The following CCDC110 variants were observed in gnomAD, a reference collection of about 807,000 sequenced individuals.
The protein encoded by CCDC110 is coiled-coil domain-containing protein 110.
A neutral mutation model predicts 77.1 loss-of-function variants in CCDC110; 70 were observed. The ratio of observed to expected loss-of-function variants is 0.91; its 90% CI spans 0.75 to 1.11. The LOEUF is 1.11. CCDC110 is among the 50% of genes least tolerant of loss of function. The probability of loss-of-function intolerance (pLI) is 0.00; values close to 1 mark genes in which losing one functional copy is unlikely to be tolerated. For synonymous variants in CCDC110, 295 were observed against 312.5 expected (o/e 0.94, Z 0.59); for missense variants, 868 against 942.9 (o/e 0.92, Z 1.04).
In CCDC110 at chr4:185,471,069, G is replaced by A. The variant is rs1467965174; in HGVS notation, c.11-20C>T. 2 of 1,487,164 alleles carry A rather than the reference G, an allele frequency of 1.3e-6. No individual in the cohort carries two copies. Among genetic ancestry groups the A allele is most frequent in the African/African-American group, 4.4e-5 (2 of 45,812 alleles). The allele number at this position is 1,487,164 out of a possible 1,614,324, so 92.1% of individuals were successfully genotyped here. On this transcript the variant is annotated intron_variant, in intron 1 of 6. Coordinates refer to ENST00000307588, the MANE Select transcript of CCDC110 (RefSeq NM_152775.4). ...GCTTTTCTGTAACAGAACCGTCCGGGGCTGTTCTGTCGCGGGTCGTGGCGT... is the reference window on the plus strand; with the variant it reads ...GCTTTTCTGTAACAGAACCGTCCGGAGCTGTTCTGTCGCGGGTCGTGGCGT...
intron 6 of CCDC110, chr4:185,452,364 A>G (rs921248436): frequency 2.0e-6 from 2 of 985,328 alleles, no homozygotes; most frequent in Non-Finnish European, 2.4e-6. Context: ...CATCTGTTCA[A>G]GGCTCAAATC....
In CCDC110 at chr4:185,460,063, G is replaced by C. The variant is rs753958900; in HGVS notation, c.524C>G (p.Ser175Ter). 1.2e-6 allele frequency: 2 copies of C among 1,613,762 alleles called. No individual in the cohort carries two copies. Among genetic ancestry groups the C allele is most frequent in the South Asian group, 1.1e-5 (1 of 91,052 alleles). The change falls in exon 6 of 7, where the codon TCA becomes TGA. Residue 175 changes from serine to a stop codon, truncating the protein, a stop_gained. Transcript: ENST00000307588. LOFTEE classifies it high-confidence loss of function. The part of the protein sequence containing the change: ...HSEDTLTLRT[S>*]TDNLSSNIII... ...TATGTTTGAAGATAAATTGTCTGTTGAAGTTCTCAGAGTTAATGTGTCCTC... is the reference window on the plus strand; with the variant it reads ...TATGTTTGAAGATAAATTGTCTGTTCAAGTTCTCAGAGTTAATGTGTCCTC...
At chr4:185,452,888 CA>C (rs70962569) in intron 6 of CCDC110, among the ~76,000 whole-genome samples, 2,030 of 67,260 alleles carry the variant, frequency 0.03, 7 homozygotes, top group African/African-American at 0.068. Context: ...GAGTGAGACT[CA>C]AAAAAAAAAA....
At chr4:185,471,491 A>T (rs1561174450) in intron 1 of CCDC110, 183 bp downstream of exon 1, 1 of 607,374 alleles carries the variant, frequency 1.6e-6, no homozygotes, top group Non-Finnish European at 2.7e-6. Flanking sequence ...TGTAAGCCAC[A>T]GCGGACGCAG....
intron 6 of CCDC110, among the ~76,000 whole-genome samples, chr4:185,448,864 GAA>G (rs1491537095): frequency 0.14 from 20,648 of 152,152 alleles, 1,939 homozygotes; most frequent in African/African-American, 0.27. Context: ...GATGCTGTTA[GAA>G]CTTTGGAACA....
chr4:185,471,501 G>A, intron 1 of CCDC110, 173 bp downstream of exon 1: 2 of 639,920 alleles, frequency 3.1e-6, no homozygotes, highest in Admixed American at 3.5e-5. Flanking sequence ...AGCGGACGCA[G>A]GGGGCCGCAG....
chr4:185,455,347 G>A (rs2095634488), intron 6 of CCDC110, among the ~76,000 whole-genome samples: 1 of 151,700 alleles, frequency 6.6e-6, no homozygotes, highest in Non-Finnish European at 1.5e-5. Context: ...CCATTTTCAT[G>A]GTATATATTT....
intron 5 of CCDC110, chr4:185,460,789 A>G (rs564373759): frequency 1.6e-4 from 59 of 373,956 alleles, no homozygotes; most frequent in South Asian, 1.0e-3. Flanking sequence ...ACTGCCTTGC[A>G]TTTGAATTTA....
chr4:185,447,356 AT>A (rs1188603737), intron 6 of CCDC110, among the ~76,000 whole-genome samples: 4 of 151,420 alleles, frequency 2.6e-5, no homozygotes. Flanking sequence ...TAATTTTTGT[AT>A]TTTTAGTAGA....
rs113638744 is a variant in CCDC110 at position 185,446,075 on chromosome 4, A to G, written c.2462-533T>C. On this transcript the variant is annotated intron_variant, in intron 6 of 6. Transcript: ENST00000307588. ...AGGCTGGTCTCGAACTCCCGACCTC[A>G]GGTGATCCACCCACCTCAGCCTCCC... 6.1e-3 allele frequency among the ~76,000 whole-genome samples: 930 copies of G among 152,246 alleles called. 11 individuals carry two copies. The highest frequency in any genetic ancestry group is 0.022 in the African/African-American group (895 of 41,546).
At chr4:185,456,001 C>T (rs1328190474) in intron 6 of CCDC110, among the ~76,000 whole-genome samples, 1 of 152,090 alleles carries the variant, frequency 6.6e-6, no homozygotes, top group Non-Finnish European at 1.5e-5. Context: ...AACAAGCAGA[C>T]ACAAGATCAG....
At chr4:185,449,210 T>C (rs13434493) in intron 6 of CCDC110, among the ~76,000 whole-genome samples, 61,442 of 152,044 alleles carry the variant, frequency 0.4, 13,286 homozygotes, top group East Asian at 0.52. Context: ...AATTTTTTAA[T>C]GAAAATAGTT....
In CCDC110 at chr4:185,458,215, ATG is replaced by A. The variant is rs779355124; in HGVS notation, c.2370_2371del (p.Ile791PhefsTer9). On this transcript the variant is annotated frameshift_variant, in exon 6 of 7. Transcript: ENST00000307588. LOFTEE classifies it high-confidence loss of function. ...AAAATGGAATTTCTCTCTTCTTGAA[ATG>A]TAAGTTGTTTTTGAAGGGTCATTAT... 171 of 1,607,116 alleles carry A rather than the reference ATG, an allele frequency of 1.1e-4. 1 individual carries two copies. In the South Asian group the frequency reaches 1.7e-3, roughly 16 times the overall value.
At chr4:185,463,364 A>C (rs1050559753) in intron 2 of CCDC110, among the ~76,000 whole-genome samples, 1 of 152,196 alleles carries the variant, frequency 6.6e-6, no homozygotes, top group African/African-American at 2.4e-5. Flanking sequence ...AAAAAAACCT[A>C]ATAATGCTCA....
chr4:185,470,838 C>A, intron 2 of CCDC110, 107 bp downstream of exon 2: 1 of 825,090 alleles, frequency 1.2e-6, no homozygotes, highest in Admixed American at 1.7e-5. Flanking sequence ...TGGCTGCTGT[C>A]CGTGTCATCA....
chr4:185,457,992 T>C (rs1472356249), intron 6 of CCDC110, 134 bp downstream of exon 6: 2 of 667,382 alleles, frequency 3.0e-6, no homozygotes, highest in Non-Finnish European at 4.6e-6. Context: ...CACTGTATAA[T>C]AAATTGGATA....
chr4:185,457,933 A>G, intron 6 of CCDC110, 193 bp downstream of exon 6: 2 of 608,464 alleles, frequency 3.3e-6, no homozygotes, highest in Non-Finnish European at 5.1e-6. Flanking sequence ...TGCACATAAT[A>G]TAAACAAAAT....
rs200557679 is a variant in CCDC110, at chr4:185,460,079, A to T, written c.508T>A (p.Leu170Ile). The change falls in exon 6 of 7, where the codon TTA becomes ATA. Residue 170 changes from leucine (L) to isoleucine (I), a missense_variant. Transcript: ENST00000307588. ...TTGTCTGTTGAAGTTCTCAGAGTTA[A>T]TGTGTCCTCGGAATGTATCTGGGAT... ...VPSQIHSEDT[L>I]TLRTSTDNLS... is the part of the protein sequence containing the mutation. 5.6e-6 allele frequency: 9 copies of T among 1,613,856 alleles called. No homozygotes were observed. The Admixed American group carries it at 1.3e-4, about 24-fold the overall frequency.
rs1490789087 is a variant in CCDC110, at chr4:185,468,697, G to C, written c.115+2248C>G. On this transcript the variant is annotated intron_variant, in intron 2 of 6. Coordinates refer to ENST00000307588, the MANE Select transcript of CCDC110 (RefSeq NM_152775.4). The surrounding 1 kb of genome is among the most constrained non-coding windows in gnomAD (Gnocchi z 4.5). ...TCTGGTCTTGGCTCAGACGTGACCT[G>C]CTGAGTGAGCCCTTCTCCTACCACC... Among the ~76,000 whole-genome samples, 2 of 152,156 alleles carry C rather than the reference G, an allele frequency of 1.3e-5. No homozygotes were observed. Among genetic ancestry groups the C allele is most frequent in the Non-Finnish European group, 2.9e-5 (2 of 68,020 alleles).
Sources: gnomAD v4.1 joint callset for allele counts (sites outside exome capture counted in the v4.1 genomes callset) on GRCh38, gnomAD v4.1.1 for gene constraint, Gnocchi (gnomAD v3.1) non-coding constraint, MANE v1.5 for transcripts, NCBI Gene and HGNC (gene_info 2026-07-23, HGNC 2026-07-21) for gene names.